Variants in PPM1D observed in about 807,000 individuals in gnomAD.
PPM1D encodes the protein protein phosphatase 1D.
PPM1D carries 52 observed loss-of-function variants against 58.3 expected under a neutral mutation model. The ratio of observed to expected loss-of-function variants is 0.89; its 90% confidence interval spans 0.71 to 1.12. The LOEUF is 1.12. PPM1D is among the 50% of genes most tolerant of loss of function. The pLI is 0.00. For synonymous variants in PPM1D, 278 were observed against 285.1 expected, an observed-to-expected ratio of 0.98 and a Z score of 0.25; for missense variants, 564 against 777.2, an observed-to-expected ratio of 0.73 and a Z score of 3.26.
At chr17:60,603,088 C>T (rs774858116) in intron 1 of PPM1D, among the ~76,000 whole-genome samples, 14 of 152,114 alleles carry the variant, frequency 9.2e-5, no homozygotes, top group Non-Finnish European at 1.2e-4. Flanking sequence ...ACAAGGAAAA[C>T]TCAAACAAAA....
chr17:60,626,050 G>C (rs375195802), intron 2 of PPM1D, among the ~76,000 whole-genome samples: 1 of 152,104 alleles, frequency 6.6e-6, no homozygotes. Context: ...GCTGTACCAT[G>C]TACAGATGTA....
chr17:60,653,177 A>G (rs8070329), intron 4 of PPM1D, among the ~76,000 whole-genome samples: 1,799 of 152,276 alleles, frequency 0.012, 11 homozygotes, highest in African/African-American at 0.015. Flanking sequence ...GTGGTTACCA[A>G]TTCTACTAAT....
intron 1 of PPM1D, among the ~76,000 whole-genome samples, chr17:60,609,757 C>T (rs556064588): frequency 2.0e-5 from 3 of 152,260 alleles, no homozygotes; most frequent in South Asian, 4.1e-4. Context: ...TCAAGTGACT[C>T]TTATTTTACT....
chr17:60,608,427 C>T (rs962012771), intron 1 of PPM1D, among the ~76,000 whole-genome samples: 4 of 151,954 alleles, frequency 2.6e-5, no homozygotes, highest in Admixed American at 6.5e-5. Context: ...TTTGGGAGGC[C>T]GAGGCAGGCA....
At chr17:60,642,393 A>G (rs905105782) in intron 3 of PPM1D, among the ~76,000 whole-genome samples, 1 of 143,894 alleles carries the variant, frequency 6.9e-6, no homozygotes, top group African/African-American at 2.7e-5. Context: ...AAGGAGTTTA[A>G]TTGGGCAATG....
chr17:60,613,808 G>A (rs552363663), intron 1 of PPM1D, among the ~76,000 whole-genome samples: 3 of 152,316 alleles, frequency 2.0e-5, no homozygotes, highest in South Asian at 4.1e-4. Flanking sequence ...CTGGCCCACC[G>A]GCGCTGCGCT....
intron 5 of PPM1D, 137 bp downstream of exon 5, chr17:60,656,978 CAG>C: frequency 6.4e-7 from 1 of 1,572,162 alleles, no homozygotes; most frequent in East Asian, 2.3e-5. Flanking sequence ...AACTTATTAT[CAG>C]AGAGCCATCT....
chr17:60,601,556 T>TCTTA (rs1167534045), intron 1 of PPM1D, among the ~76,000 whole-genome samples: 22 of 152,162 alleles, frequency 1.4e-4, no homozygotes, highest in African/African-American at 4.8e-4. Context: ...TGGCCCCGTG[T>TCTTA]TAAGGGTGTG....
chr17:60,601,447 G>A (rs568247965), intron 1 of PPM1D, among the ~76,000 whole-genome samples: 43 of 152,300 alleles, frequency 2.8e-4, no homozygotes, highest in African/African-American at 1.0e-3. Flanking sequence ...AGTTTTGGAA[G>A]GAATTCCGTT....
Position 60,600,709 on chromosome 17 carries a change from G to A in PPM1D, c.295G>A (p.Ala99Thr). 6.2e-7 allele frequency: 1 copy of A among 1,607,188 alleles called. No homozygotes were observed. Residue 99 changes from alanine (A) to threonine (T), a missense_variant, in exon 1 of 6, where the codon GCC becomes ACC. Around this residue, in one of 7 missense-constraint regions of PPM1D, gnomAD observed 132 missense variants for 150.4 expected, o/e 0.88. Coordinates refer to ENST00000305921, the MANE Select transcript of PPM1D (RefSeq NM_003620.4). ...CTGCTGCCGCCGCCGTTCCTCCGTG[G>A]CCTTTTTCGCCGTGTGCGACGGGCA... ...SRCCRRRSSV[A>T]FFAVCDGHGG...
intron 2 of PPM1D, among the ~76,000 whole-genome samples, chr17:60,624,702 C>T (rs1410115948): frequency 1.3e-5 from 2 of 152,220 alleles, no homozygotes; most frequent in Non-Finnish European, 1.5e-5. Context: ...AAGAGAATCA[C>T]TTGAACCTGG....
At chr17:60,618,765 T>C (rs531482892) in intron 1 of PPM1D, among the ~76,000 whole-genome samples, 9 of 152,210 alleles carry the variant, frequency 5.9e-5, no homozygotes, top group African/African-American at 2.2e-4. Context: ...TTCTGAAGAA[T>C]AGATTTTTTT....
chr17:60,659,878 G>A (rs2031498307), intron 5 of PPM1D, among the ~76,000 whole-genome samples: 1 of 152,212 alleles, frequency 6.6e-6, no homozygotes, highest in South Asian at 2.1e-4. Context: ...AAGAAAGTAG[G>A]GGAAGGGAAG....
At chr17:60,603,245 A>G (rs1423774592) in intron 1 of PPM1D, among the ~76,000 whole-genome samples, 1 of 152,120 alleles carries the variant, frequency 6.6e-6, no homozygotes, top group Non-Finnish European at 1.5e-5. Flanking sequence ...AGAACCCTTT[A>G]TATGCTTATT....
chr17:60,626,673 C>T (rs1018577371), intron 2 of PPM1D, among the ~76,000 whole-genome samples: 7 of 151,822 alleles, frequency 4.6e-5, no homozygotes, highest in African/African-American at 9.7e-5. Flanking sequence ...GGATTACAGG[C>T]GTGAGCCACT....
chr17:60,619,268 C>A (rs2030649768), intron 1 of PPM1D, among the ~76,000 whole-genome samples: 2 of 144,356 alleles, frequency 1.4e-5, no homozygotes, highest in African/African-American at 5.1e-5. Context: ...CATACATTTT[C>A]TTTATTTATT....
chr17:60,637,087 G>C (rs1598407683), intron 3 of PPM1D, among the ~76,000 whole-genome samples: 1 of 151,300 alleles, frequency 6.6e-6, no homozygotes, highest in South Asian at 2.1e-4. Context: ...TGCTGCCTCA[G>C]CCTCCCAAGT....
At chr17:60,624,253 A>G (rs907606395) in intron 2 of PPM1D, among the ~76,000 whole-genome samples, 8 of 152,168 alleles carry the variant, frequency 5.3e-5, no homozygotes, top group African/African-American at 1.9e-4. Flanking sequence ...TATTTTTATG[A>G]TTCAAACTTA....
At chr17:60,612,888 C>A (rs551588955) in intron 1 of PPM1D, among the ~76,000 whole-genome samples, 1 of 152,092 alleles carries the variant, frequency 6.6e-6, no homozygotes, top group South Asian at 2.1e-4. Flanking sequence ...GATTTACCAC[C>A]CCTTCTTCTT....
Sources: allele counts gnomAD v4.1 joint callset (sites outside exome capture counted in the v4.1 genomes callset), GRCh38; gene constraint gnomAD v4.1.1; regional missense constraint gnomAD v4.1.1; transcripts MANE v1.5; gene names NCBI Gene and HGNC (gene_info 2026-07-23, HGNC 2026-07-21).